The following ZNRF2 variants were observed in gnomAD, a reference collection of about 807,000 sequenced individuals.
The protein encoded by ZNRF2 is E3 ubiquitin-protein ligase ZNRF2.
Under a neutral mutation model 20.4 loss-of-function variants are expected in ZNRF2, and 16 were observed. That is an observed-to-expected ratio of 0.79 (90% confidence interval 0.53 to 1.19). ZNRF2 has a LOEUF of 1.19. Among genes scored for constraint, ZNRF2 ranks in the 50% most tolerant of loss-of-function variants. ZNRF2 has a pLI of 0.00. For synonymous variants in ZNRF2, 178 were observed against 144.9 expected (o/e 1.23, Z -1.64); for missense variants, 363 against 332.4 (o/e 1.09, Z -0.72).
chr7:30,300,222 C>G (rs1010964042), intron 1 of ZNRF2, among the ~76,000 whole-genome samples: 24 of 146,270 alleles, frequency 1.6e-4, no homozygotes, highest in Non-Finnish European at 2.8e-4. Context: ...AATCTTGGCT[C>G]ACTGCAACCT....
chr7:30,303,491 C>T (rs915560583), intron 1 of ZNRF2, among the ~76,000 whole-genome samples: 7 of 152,174 alleles, frequency 4.6e-5, no homozygotes, highest in Non-Finnish European at 8.8e-5. Context: ...ATTTGCATTT[C>T]TAACAAGTTT....
chr7:30,362,324 A>G (rs1381670603), intron 3 of ZNRF2, 53 bp from the exon 4 acceptor site: 7 of 1,215,732 alleles, frequency 5.8e-6, no homozygotes, highest in Non-Finnish European at 4.6e-6. Context: ...GGCTCTCATT[A>G]TATAAATAAT....
chr7:30,345,877 T>A (rs1799868655), intron 2 of ZNRF2, among the ~76,000 whole-genome samples: 1 of 152,178 alleles, frequency 6.6e-6, no homozygotes, highest in African/African-American at 2.4e-5. Flanking sequence ...GCGTTACAGT[T>A]CCAGATACAG....
At chr7:30,303,350 C>G (rs1282633439) in intron 1 of ZNRF2, among the ~76,000 whole-genome samples, 1 of 151,816 alleles carries the variant, frequency 6.6e-6, no homozygotes, top group African/African-American at 2.4e-5. Flanking sequence ...GTAATTTGAC[C>G]CCTTTTTAAA....
chr7:30,363,431 A>T lies in ZNRF2; in HGVS notation c.*22+975A>T, dbSNP rs138718961. Among the ~76,000 whole-genome samples the T allele has an allele frequency of 4.8e-3, 735 of 152,338 alleles. 6 individuals carry two copies. Among genetic ancestry groups the T allele is most frequent in the African/African-American group, 0.017 (692 of 41,574 alleles). The stretch of plus-strand genomic sequence containing the variant: ...TTAAGAAACTTGACTTTTCAAGTTC[A>T]GATAACTAGTTTGTTGGTGGGGATG... On this transcript the variant is annotated intron_variant, in intron 4 of 4. Coordinates refer to ENST00000323037, the MANE Select transcript of ZNRF2 (RefSeq NM_147128.4).
chr7:30,308,904 A>G (rs1052635286), intron 1 of ZNRF2, among the ~76,000 whole-genome samples: 1 of 152,188 alleles, frequency 6.6e-6, no homozygotes, highest in Non-Finnish European at 1.5e-5. Flanking sequence ...AAGTAGAGGC[A>G]AACAGTACAA....
rs368539339 is a variant in ZNRF2, at chr7:30,314,928, T to C, written c.470-8714T>C. On this transcript the variant is annotated intron_variant, in intron 1 of 4. Transcript: ENST00000323037. ...GCCTCCTGGGTTCACACCATTCTCC[T>C]GCCTCAGCCTCCTGAGTAGCTGGGA... 2.0e-5 allele frequency among the ~76,000 whole-genome samples: 3 copies of C among 152,036 alleles called. No individual in the cohort carries two copies. The East Asian group carries it at 5.8e-4, about 29-fold the overall frequency.
Position 30,285,673 on chromosome 7 carries a change from A to G in ZNRF2, c.316A>G (p.Ser106Gly). 2.1e-6 allele frequency: 3 copies of G among 1,438,916 alleles called. No homozygotes were observed. Among genetic ancestry groups the G allele is most frequent in the Non-Finnish European group, 2.7e-6 (3 of 1,102,384 alleles). 89.1% of individuals were successfully genotyped at this position (1,438,916 alleles called of 1,614,324 possible). A position where few individuals can be genotyped will look rare whatever the true frequency, so the allele number is the denominator to read the frequency against. ...GCAGTCCCCCTTCAGCATCCCGAAC[A>G]GCAGCAGCGGCCCGTACGGCTCGCA... is the stretch of plus-strand genomic sequence containing the variant. ...AAQSPFSIPN[S>G]SSGPYGSQDS... The change falls in exon 1 of 5, where the codon AGC (serine) becomes GGC (glycine). Residue 106 changes from serine to glycine, a missense_variant. Physicochemically the swap from Ser to Gly is moderately conservative, Grantham distance 56. Around this residue, in one of 2 missense-constraint regions of ZNRF2, gnomAD observed 302 missense variants for 231.5 expected, o/e 1.30. Coordinates refer to ENST00000323037, the MANE Select transcript of ZNRF2 (RefSeq NM_147128.4).
chr7:30,295,523 A>C (rs1176744340), intron 1 of ZNRF2, among the ~76,000 whole-genome samples: 1 of 152,162 alleles, frequency 6.6e-6, no homozygotes. Flanking sequence ...CAGCCTGGGC[A>C]ACATGGTGAA....
intron 1 of ZNRF2, among the ~76,000 whole-genome samples, chr7:30,321,461 T>C (rs1799468207): frequency 6.6e-6 from 1 of 152,108 alleles, no homozygotes; most frequent in African/African-American, 2.4e-5. Context: ...TTATTAAATA[T>C]TATTTATTTT....
chr7:30,332,415 A>G (rs1799647923), intron 2 of ZNRF2, among the ~76,000 whole-genome samples: 1 of 152,160 alleles, frequency 6.6e-6, no homozygotes, highest in Non-Finnish European at 1.5e-5. Context: ...GTGCAGGTTT[A>G]TTACATTGAT....
intron 2 of ZNRF2, among the ~76,000 whole-genome samples, chr7:30,349,121 G>A (rs2127954523): frequency 6.6e-6 from 1 of 152,222 alleles, no homozygotes; most frequent in Non-Finnish European, 1.5e-5. Flanking sequence ...TTTACAATCA[G>A]CTAACATTTA....
chr7:30,326,201 A>G (rs200850207), intron 2 of ZNRF2, among the ~76,000 whole-genome samples: 1 of 152,078 alleles, frequency 6.6e-6, no homozygotes, highest in African/African-American at 2.4e-5. Context: ...AACTTGTGTC[A>G]TGGGGGTTTG....
At chr7:30,321,915 C>A (rs181649296) in intron 1 of ZNRF2, among the ~76,000 whole-genome samples, 1 of 151,632 alleles carries the variant, frequency 6.6e-6, no homozygotes, top group Non-Finnish European at 1.5e-5. Flanking sequence ...CTTTTGGCTT[C>A]CTTGGGCCAC....
At chr7:30,362,932 C>G (rs1421667695) in intron 4 of ZNRF2, among the ~76,000 whole-genome samples, 1 of 152,118 alleles carries the variant, frequency 6.6e-6, no homozygotes, top group Non-Finnish European at 1.5e-5. Flanking sequence ...CCCTGGCTAA[C>G]ACGGTGAAAC....
intron 2 of ZNRF2, among the ~76,000 whole-genome samples, chr7:30,349,400 G>T (rs922532237): frequency 1.4e-4 from 21 of 152,066 alleles, no homozygotes; most frequent in African/African-American, 5.1e-4. Flanking sequence ...AACAAACTCA[G>T]ACTCCCTTCT....
At chr7:30,317,531 G>A (rs924451964) in intron 1 of ZNRF2, among the ~76,000 whole-genome samples, 41 of 152,146 alleles carry the variant, frequency 2.7e-4, no homozygotes, top group African/African-American at 8.0e-4. Context: ...AGATGTAATG[G>A]GTATGTTCTA....
At chr7:30,365,550 G>A (rs1800200124) in intron 4 of ZNRF2, among the ~76,000 whole-genome samples, 1 of 152,072 alleles carries the variant, frequency 6.6e-6, no homozygotes, top group Non-Finnish European at 1.5e-5. Context: ...TGTCCTGACT[G>A]TTCTTATTTA....
intron 1 of ZNRF2, among the ~76,000 whole-genome samples, chr7:30,320,247 G>A (rs896691238): frequency 5.9e-5 from 9 of 151,826 alleles, no homozygotes; most frequent in Non-Finnish European, 1.2e-4. Context: ...TATACATAGA[G>A]AAATTTCTCT....
Sources: gnomAD v4.1 joint callset for allele counts (sites outside exome capture counted in the v4.1 genomes callset) on GRCh38, gnomAD v4.1.1 for gene constraint, gnomAD v4.1.1 regional missense constraint, MANE v1.5 for transcripts, NCBI Gene and HGNC (gene_info 2026-07-23, HGNC 2026-07-21) for gene names.